ANKRD31: variants seen among roughly 807,000 people sequenced by gnomAD.
ANKRD31 encodes ankyrin repeat domain-containing protein 31.
In ANKRD31, 147 loss-of-function variants were observed where a neutral mutation model predicts 186.0. The observed-to-expected ratio is 0.79, with a 90% CI of 0.69 to 0.91. The LOEUF (loss-of-function observed/expected upper bound fraction) is 0.91, where lower values mean the gene tolerates loss of function less well. ANKRD31 is among the 40% of genes least tolerant of loss of function. ANKRD31 has a pLI of 0.00. For synonymous variants in ANKRD31, 673 were observed against 736.4 expected (o/e 0.91, Z 1.39); for missense variants, 1,986 against 2,148.8 (o/e 0.92, Z 1.50).
In ANKRD31 at chr5:75,147,310, G is replaced by C; in HGVS notation, c.2101C>G (p.Leu701Val). 1 of 1,534,490 alleles carries C rather than the reference G, an allele frequency of 6.5e-7. No homozygotes were observed. Among genetic ancestry groups the C allele is most frequent in the South Asian group, 1.2e-5 (1 of 83,604 alleles). Residue 701 changes from leucine (L) to valine (V), a missense_variant, in exon 14 of 26, where the codon CTT (leucine) becomes GTT (valine). Leu to Val is a conservative substitution (Grantham distance 32, BLOSUM62 1). Transcript: ENST00000506364. ...AGTCCTGTAGAGTATATCTGGTCAA[G>C]AGTTGATTGTTTATGCTTGGATTTA... ...FGKSKHKQSTLDQIYSTGLRK... is the reference protein window; with the variant it reads ...FGKSKHKQSTVDQIYSTGLRK...
chr5:75,075,788 G>T (rs1043361067), intron 25 of ANKRD31, among the ~76,000 whole-genome samples: 4 of 152,136 alleles, frequency 2.6e-5, no homozygotes, highest in African/African-American at 9.7e-5. Context: ...GGGGAGGAGG[G>T]TGACAGAGGA....
chr5:75,083,908 A>T (rs1474929041), intron 24 of ANKRD31, among the ~76,000 whole-genome samples: 1 of 152,188 alleles, frequency 6.6e-6, no homozygotes, highest in Non-Finnish European at 1.5e-5. Flanking sequence ...GAAGTCAGAC[A>T]AAAAGGGTCA....
chr5:75,077,880 C>T (rs887130600), intron 25 of ANKRD31, among the ~76,000 whole-genome samples: 14 of 141,186 alleles, frequency 9.9e-5, no homozygotes, highest in South Asian at 8.8e-4. Context: ...TGCAGTGAGC[C>T]GAGATAGCGC....
intron 23 of ANKRD31, among the ~76,000 whole-genome samples, chr5:75,090,497 C>T (rs955351310): frequency 2.6e-5 from 4 of 152,198 alleles, no homozygotes; most frequent in Non-Finnish European, 4.4e-5. Context: ...GAAAGCTATG[C>T]TTCCTATTAC....
intron 17 of ANKRD31, among the ~76,000 whole-genome samples, chr5:75,130,252 C>T (rs1749663207): frequency 6.6e-6 from 1 of 152,168 alleles, no homozygotes. Context: ...AAGCTGCAGA[C>T]CTTCACCATG....
At chr5:75,201,706 G>A (rs1755833559) in intron 5 of ANKRD31, among the ~76,000 whole-genome samples, 1 of 152,132 alleles carries the variant, frequency 6.6e-6, no homozygotes, top group Admixed American at 6.6e-5. Context: ...GTTGGTTCAG[G>A]CCTTGAAGGG....
At position 75,192,758 on chromosome 5, in the gene ANKRD31, T is replaced by C. The variant is rs1393547360; in HGVS notation, c.1317A>G (p.Leu439=). 1.3e-6 allele frequency: 2 copies of C among 1,534,366 alleles called. No homozygotes were observed. Among genetic ancestry groups the C allele is most frequent in the East Asian group, 4.9e-5 (2 of 40,842 alleles). ...AQNFRMQDPA[L]MIDGKEKNMH... Reference sequence around the variant, plus strand: ...TATTCTTCTCTTTACCATCAATCATTAAAGCCGGATCCTGCATTCTTGAAA... The same window carrying C: ...TATTCTTCTCTTTACCATCAATCATCAAAGCCGGATCCTGCATTCTTGAAA... Residue 439 remains leucine, a synonymous_variant, in exon 9 of 26, where the codon TTA becomes TTG. Coordinates refer to ENST00000506364, the MANE Select transcript of ANKRD31 (RefSeq NM_001372053.1).
At chr5:75,115,679 C>T (rs2150077695) in intron 19 of ANKRD31, among the ~76,000 whole-genome samples, 1 of 152,180 alleles carries the variant, frequency 6.6e-6, no homozygotes, top group African/African-American at 2.4e-5. Context: ...CACTGGCCAT[C>T]AGAGAAATGC....
chr5:75,137,456 T>C (rs987663780), intron 17 of ANKRD31, among the ~76,000 whole-genome samples: 52 of 152,114 alleles, frequency 3.4e-4, no homozygotes, highest in African/African-American at 1.2e-3. Context: ...GGAAAACAAA[T>C]GATTCCTGTT....
chr5:75,126,652 T>C (rs918048302), intron 17 of ANKRD31, among the ~76,000 whole-genome samples: 1 of 152,144 alleles, frequency 6.6e-6, no homozygotes, highest in African/African-American at 2.4e-5. Context: ...TTTCAGGTAA[T>C]AAAAATTGCC....
At chr5:75,073,655 T>G (rs1437544976) in intron 25 of ANKRD31, among the ~76,000 whole-genome samples, 1 of 152,230 alleles carries the variant, frequency 6.6e-6, no homozygotes, top group Non-Finnish European at 1.5e-5. Context: ...CTTTTTTTCC[T>G]TTTGCCTTAC....
At chr5:75,162,318 G>A (rs1752620911) in intron 11 of ANKRD31, among the ~76,000 whole-genome samples, 1 of 152,176 alleles carries the variant, frequency 6.6e-6, no homozygotes, top group South Asian at 2.1e-4. Flanking sequence ...CTTAAGATTT[G>A]ACTGCCCCGC....
chr5:75,133,240 A>T (rs944908403), intron 17 of ANKRD31, among the ~76,000 whole-genome samples: 5 of 152,216 alleles, frequency 3.3e-5, no homozygotes, highest in African/African-American at 7.2e-5. Context: ...GTCAAGACCT[A>T]TCAGTGTGCT....
At chr5:75,236,487 TG>T in intron 1 of ANKRD31, 95 bp downstream of exon 1, 1 of 992,818 alleles carries the variant, frequency 1.0e-6, no homozygotes, top group Non-Finnish European at 1.5e-6. Context: ...GCACATGTTC[TG>T]GTCACGATCT....
chr5:75,080,399 C>T (rs1214449956), intron 25 of ANKRD31, among the ~76,000 whole-genome samples, 169 bp downstream of exon 25: 1 of 152,100 alleles, frequency 6.6e-6, no homozygotes, highest in Non-Finnish European at 1.5e-5. Flanking sequence ...TCTCTGAAAT[C>T]AAAGATCTTC....
chr5:75,188,560 G>A lies in ANKRD31; in HGVS notation c.1497C>T (p.His499=), dbSNP rs1179901327. The A allele has an allele frequency of 1.4e-5, 21 of 1,536,052 alleles. No homozygotes were observed. The highest frequency in any genetic ancestry group is 5.5e-5 in the African/African-American group (4 of 72,954). ...AATGATGAACAAGATCAGCATCATC[G>A]TGTAGAGCAGCCTTATATACTAAGT... ...GENLVYKAAL[H]DDADLVHHCI... The change falls in exon 10 of 26, where the codon CAC becomes CAT. Residue 499 remains histidine, a synonymous_variant. Transcript: ENST00000506364.
chr5:75,146,876 T>A lies in ANKRD31; in HGVS notation c.2535A>T (p.Glu845Asp), dbSNP rs573539643. The change falls in exon 14 of 26, where the codon GAA (glutamate) becomes GAT (aspartate). Residue 845 changes from glutamate (E) to aspartate (D), a missense_variant. Physicochemically the swap from Glu to Asp is conservative, Grantham distance 45 (BLOSUM62 2). Transcript: ENST00000506364. ...VSFPGLLLHK[E>D]IKLPVVTTDK... ...CTGTAGTAACAACTGGTAACTTGAT[T>A]TCTTTATGTAATAAAAGCCCTGGGA... 3.3e-4 allele frequency: 514 copies of A among 1,536,374 alleles called. 4 individuals carry two copies. The South Asian group carries it at 5.6e-3, about 17-fold the overall frequency.
At chr5:75,160,207 A>C (rs1752479689) in intron 11 of ANKRD31, among the ~76,000 whole-genome samples, 1 of 152,132 alleles carries the variant, frequency 6.6e-6, no homozygotes, top group Non-Finnish European at 1.5e-5. Flanking sequence ...GAACAAAAAT[A>C]GGGAAAAATA....
chr5:75,102,327 G>A (rs548732927), intron 22 of ANKRD31, among the ~76,000 whole-genome samples: 2 of 152,290 alleles, frequency 1.3e-5, no homozygotes, highest in South Asian at 2.1e-4. Flanking sequence ...GCAGTATGAG[G>A]TGTCAGTTGG....
Sources: gnomAD v4.1 joint callset for allele counts (sites outside exome capture counted in the v4.1 genomes callset) on GRCh38, gnomAD v4.1.1 for gene constraint, MANE v1.5 for transcripts, NCBI Gene and HGNC (gene_info 2026-07-23, HGNC 2026-07-21) for gene names.